Variants in ROBO2 observed in about 807,000 individuals in gnomAD.
The protein encoded by ROBO2 is roundabout guidance receptor 2.
A neutral mutation model predicts 160.8 loss-of-function variants in ROBO2; 53 were observed. That is an observed-to-expected ratio of 0.33 (90% CI 0.26 to 0.41). The LOEUF is 0.41. ROBO2 is among the 10% of genes least tolerant of loss of function. ROBO2 has a pLI of 1.00. For missense variants in ROBO2, 1,577 were observed against 1,722.4 expected (o/e 0.92, Z 1.49); for synonymous variants, 664 against 611.7 (o/e 1.09, Z -1.26).
chr3:77,243,494 C>T (rs1256020574), intron 2 of ROBO2, among the ~76,000 whole-genome samples: 2 of 152,222 alleles, frequency 1.3e-5, no homozygotes, highest in African/African-American at 4.8e-5. Flanking sequence ...TCAGTTTCCA[C>T]ACATTAGCCC....
intron 2 of ROBO2, among the ~76,000 whole-genome samples, chr3:77,297,141 GC>G (rs2062220042): frequency 6.6e-6 from 1 of 152,064 alleles, no homozygotes; most frequent in African/African-American, 2.4e-5. Context: ...GGGTCTTCCA[GC>G]CACCACAGGT....
intron 2 of ROBO2, among the ~76,000 whole-genome samples, chr3:76,814,220 G>A (rs1172905125): frequency 1.3e-5 from 2 of 152,138 alleles, no homozygotes; most frequent in African/African-American, 4.8e-5. Flanking sequence ...CAACTCAACT[G>A]TGGGCACTGC....
At chr3:76,676,969 T>C (rs1353415592) in intron 2 of ROBO2, among the ~76,000 whole-genome samples, 2 of 152,088 alleles carry the variant, frequency 1.3e-5, no homozygotes, top group East Asian at 3.9e-4. Flanking sequence ...CAGATTAATT[T>C]TACTGTATCA....
intron 2 of ROBO2, among the ~76,000 whole-genome samples, chr3:77,190,647 G>C (rs2081750462): frequency 6.6e-6 from 1 of 151,856 alleles, no homozygotes; most frequent in African/African-American, 2.4e-5. Context: ...AACATACTCT[G>C]GACTTTTATC....
chr3:77,422,732 C>G (rs1003515289), intron 2 of ROBO2, among the ~76,000 whole-genome samples: 1 of 152,166 alleles, frequency 6.6e-6, no homozygotes, highest in Non-Finnish European at 1.5e-5. Context: ...TGCCTGGACA[C>G]TCACAGTGAT....
upstream of ROBO2, among the ~76,000 whole-genome samples, chr3:77,036,863 A>ATT (rs111659836): frequency 6.4e-5 from 9 of 140,616 alleles, no homozygotes; most frequent in African/African-American, 1.3e-4. Flanking sequence ...GAAAACCTTA[A>ATT]TTTTTTTTTT....
At chr3:76,453,026 GTT>G (rs879712767) in intron 2 of ROBO2, among the ~76,000 whole-genome samples, 4 of 151,996 alleles carry the variant, frequency 2.6e-5, no homozygotes, top group Non-Finnish European at 5.9e-5. Flanking sequence ...GGGGTTGTTT[GTT>G]TTTTTCTTGT....
At chr3:76,251,878 C>A (rs1706025730) in intron 2 of ROBO2, among the ~76,000 whole-genome samples, 1 of 152,000 alleles carries the variant, frequency 6.6e-6, no homozygotes, top group African/African-American at 2.4e-5. Flanking sequence ...ATCAATATAG[C>A]AGGCACCATT....
chr3:76,343,693 T>C (rs1360762345), intron 2 of ROBO2, among the ~76,000 whole-genome samples: 2 of 152,000 alleles, frequency 1.3e-5, no homozygotes, highest in Non-Finnish European at 2.9e-5. Flanking sequence ...TCATGCAGTA[T>C]TGGTGTGGTG....
At chr3:77,477,830 CTTTTTTTTTTTTT>C (rs11371687) in intron 3 of ROBO2, among the ~76,000 whole-genome samples, 1 of 84,472 alleles carries the variant, frequency 1.2e-5, no homozygotes, top group Non-Finnish European at 2.1e-5. Flanking sequence ...TATTTTAGCT[CTTTTTTTTTTTTT>C]TTTTTTTTTT....
intron 2 of ROBO2, among the ~76,000 whole-genome samples, chr3:77,112,190 T>C: frequency 1.1e-5 from 1 of 87,120 alleles, no homozygotes; most frequent in East Asian, 3.5e-4. Context: ...GCGAGACTCG[T>C]CTCAAAAAAA....
At chr3:76,391,656 G>T (rs9881639) in intron 2 of ROBO2, among the ~76,000 whole-genome samples, 3 of 151,966 alleles carry the variant, frequency 2.0e-5, no homozygotes, top group Non-Finnish European at 4.4e-5. Flanking sequence ...CGGACTACAG[G>T]TGTGTGCTGC....
chr3:76,303,915 T>G (rs1377178742), intron 2 of ROBO2, among the ~76,000 whole-genome samples: 1 of 152,192 alleles, frequency 6.6e-6, no homozygotes, highest in Non-Finnish European at 1.5e-5. Flanking sequence ...CTGCAGGGTC[T>G]TAAATTATCA....
chr3:77,621,755 G>A (rs1028927141), intron 22 of ROBO2, among the ~76,000 whole-genome samples: 3 of 152,248 alleles, frequency 2.0e-5, no homozygotes, highest in South Asian at 4.1e-4. Flanking sequence ...GGTGGGAAAT[G>A]TGTTCAGGGT....
chr3:77,354,919 G>A (rs1230372378), intron 2 of ROBO2, among the ~76,000 whole-genome samples: 2 of 152,296 alleles, frequency 1.3e-5, no homozygotes, highest in East Asian at 1.9e-4. Context: ...TTTCAAACAC[G>A]CTAGAAATAC....
At chr3:77,414,564 G>A (rs2077060281) in intron 2 of ROBO2, among the ~76,000 whole-genome samples, 1 of 152,202 alleles carries the variant, frequency 6.6e-6, no homozygotes, top group South Asian at 2.1e-4. Flanking sequence ...AATTGCTGAA[G>A]CAAAGTACTT....
At chr3:76,793,350 T>C (rs2063487151) in intron 2 of ROBO2, among the ~76,000 whole-genome samples, 1 of 151,842 alleles carries the variant, frequency 6.6e-6, no homozygotes. Context: ...AAACCCAAGA[T>C]CCACATTGCT....
intron 2 of ROBO2, among the ~76,000 whole-genome samples, chr3:76,101,049 G>A (rs1329373079): frequency 6.6e-6 from 1 of 151,948 alleles, no homozygotes; most frequent in East Asian, 1.9e-4. Context: ...GAGAGCCAAG[G>A]AAGCAAAGTA....
intron 2 of ROBO2, among the ~76,000 whole-genome samples, chr3:77,202,655 T>C (rs767044727): frequency 1.3e-5 from 2 of 152,184 alleles, no homozygotes; most frequent in Non-Finnish European, 2.9e-5. Context: ...CCCGACTTCA[T>C]TCTTTTCCAT....
Sources: gnomAD v4.1 joint callset for allele counts (sites outside exome capture counted in the v4.1 genomes callset) on GRCh38, gnomAD v4.1.1 for gene constraint, MANE v1.5 for transcripts, NCBI Gene and HGNC (gene_info 2026-07-23, HGNC 2026-07-21) for gene names.